Variants in TCF7L2 observed in about 807,000 individuals in gnomAD.
The protein encoded by TCF7L2 is transcription factor 7-like 2.
In TCF7L2, 23 loss-of-function variants were observed where a neutral mutation model predicts 77.9. The observed-to-expected ratio is 0.30, with a 90% CI of 0.21 to 0.42. TCF7L2 has a LOEUF of 0.42. TCF7L2 is among the 10% of genes least tolerant of loss of function. The pLI, the probability that TCF7L2 is intolerant of heterozygous loss-of-function variation, is 1.00. For missense variants in TCF7L2, 654 were observed against 793.1 expected (o/e 0.82, Z 2.11); for synonymous variants, 413 against 340.2 (o/e 1.21, Z -2.36).
At chr10:113,062,456 G>T (rs1200356782) in intron 5 of TCF7L2, among the ~76,000 whole-genome samples, 2 of 152,184 alleles carry the variant, frequency 1.3e-5, no homozygotes, top group Non-Finnish European at 2.9e-5. Context: ...AGTAGGAACA[G>T]AAGTTAATGT....
chr10:113,075,897 A>T (rs915669628), intron 5 of TCF7L2, among the ~76,000 whole-genome samples: 1 of 152,040 alleles, frequency 6.6e-6, no homozygotes, highest in Non-Finnish European at 1.5e-5. Flanking sequence ...GCACTCTGGG[A>T]GGCTGAGGCG....
chr10:113,151,741 A>C lies in TCF7L2; in HGVS notation c.1018A>C (p.Lys340Gln), dbSNP rs2137151950. The change falls in exon 10 of 14, where the codon AAA becomes CAA. Residue 340 changes from lysine (K) to glutamine (Q), a missense_variant. Physicochemically the swap from Lys to Gln is moderately conservative, Grantham distance 53. Around this residue, in one of 6 missense-constraint regions of TCF7L2, gnomAD observed 179 missense variants for 270.6 expected, o/e 0.66. Transcript: ENST00000627217. The surrounding 1 kb of genome is among the most constrained non-coding windows in gnomAD (Gnocchi z 5.2). ...TATCTCCAGAAAGCATCAGGACTCC[A>C]AAAAGGAAGAAGAAAAGAAGAAGCC... is the stretch of plus-strand genomic sequence containing the variant. 3.1e-6 allele frequency: 5 copies of C among 1,601,212 alleles called. No individual in the cohort carries two copies. The highest frequency in any genetic ancestry group is 4.2e-6 in the Non-Finnish European group (5 of 1,176,586).
intron 5 of TCF7L2, among the ~76,000 whole-genome samples, chr10:113,046,085 ATGATAGAGT>A (rs2053399030): frequency 6.6e-6 from 1 of 152,036 alleles, no homozygotes; most frequent in Non-Finnish European, 1.5e-5. Context: ...ACATGGGGCC[ATGATAGAGT>A]CTATGTCAGA....
At chr10:113,094,963 T>C (rs1423751254) in intron 5 of TCF7L2, among the ~76,000 whole-genome samples, 1 of 151,862 alleles carries the variant, frequency 6.6e-6, no homozygotes. Context: ...TACTAAAAAA[T>C]ACAAAAATTA....
intron 8 of TCF7L2, among the ~76,000 whole-genome samples, chr10:113,149,630 T>A (rs2070308626): frequency 6.6e-6 from 1 of 152,262 alleles, no homozygotes; most frequent in African/African-American, 2.4e-5. Context: ...ACTTTGTAAA[T>A]ACATACAGAA....
chr10:112,955,947 C>T lies in TCF7L2; in HGVS notation c.381+4340C>T, dbSNP rs532200449. On this transcript the variant is annotated intron_variant, in intron 3 of 13. Coordinates refer to ENST00000627217, the MANE Select transcript of TCF7L2 (RefSeq NM_001146274.2). ...CCAGGTTTCGAATGCCTCCTTACAT[C>T]CCACGAGGTGCCCCTGGCTGTGTGC... Among the ~76,000 whole-genome samples, 6 of 151,380 alleles carry T rather than the reference C, an allele frequency of 4.0e-5. No individual in the cohort carries two copies. In the South Asian group the frequency reaches 1.2e-3, roughly 32 times the overall value.
rs139652053 is a variant in TCF7L2, at chr10:112,954,938, C to G, written c.381+3331C>G. Among the ~76,000 whole-genome samples the G allele has an allele frequency of 3.4e-3, 524 of 152,232 alleles. 4 individuals carry two copies. The highest frequency in any genetic ancestry group is 0.014 in the East Asian group (71 of 5,180). On this transcript the variant is annotated intron_variant, in intron 3 of 13. Coordinates refer to ENST00000627217, the MANE Select transcript of TCF7L2 (RefSeq NM_001146274.2). ...GCATTTAAAGGAAACCGAGAGGGGCCTATTCATTGGGATTTTATTTAGCCG... is the reference window on the plus strand; with the variant it reads ...GCATTTAAAGGAAACCGAGAGGGGCGTATTCATTGGGATTTTATTTAGCCG...
intron 5 of TCF7L2, among the ~76,000 whole-genome samples, chr10:113,062,944 A>G (rs901437636): frequency 2.6e-5 from 4 of 152,222 alleles, no homozygotes; most frequent in African/African-American, 9.6e-5. Context: ...GTTTATAGAT[A>G]CACATGTATC....
In TCF7L2 at chr10:113,144,124, G is replaced by A. The variant is rs1185401495; in HGVS notation, c.788+99G>A. 2.0e-5 allele frequency: 19 copies of A among 947,800 alleles called. No individual in the cohort carries two copies. The highest frequency in any genetic ancestry group is 9.0e-5 in the East Asian group (3 of 33,220). The allele number at this position is 947,800 out of a possible 1,614,324, so 58.7% of individuals were successfully genotyped here. On this transcript the variant is annotated intron_variant, in intron 7 of 13. Coordinates refer to ENST00000627217, the MANE Select transcript of TCF7L2 (RefSeq NM_001146274.2). ...TCTGTGTGTGTGTGTGTGTGTGTGTGTGTGTGTGTGTGTATGTGTGTGTGT... is the reference window on the plus strand; with the variant it reads ...TCTGTGTGTGTGTGTGTGTGTGTGTATGTGTGTGTGTGTATGTGTGTGTGT...
Position 113,110,846 on chromosome 10 carries a change from A to C in TCF7L2, c.553-30338A>C, listed in dbSNP as rs201472202. On this transcript the variant is annotated intron_variant, in intron 5 of 13. Coordinates refer to ENST00000627217, the MANE Select transcript of TCF7L2 (RefSeq NM_001146274.2). Reference sequence around the variant, plus strand: ...TGAGTGCCCGTAATGTTTCTGTCCCAATCATAGACTAATCTGGCCAATTGT... The same window carrying C: ...TGAGTGCCCGTAATGTTTCTGTCCCCATCATAGACTAATCTGGCCAATTGT... 2.6e-5 allele frequency among the ~76,000 whole-genome samples: 4 copies of C among 152,306 alleles called. No individual in the cohort carries two copies. In the East Asian group the frequency reaches 7.7e-4, roughly 29 times the overall value.
At chr10:113,101,473 T>C (rs576401371) in intron 5 of TCF7L2, among the ~76,000 whole-genome samples, 9 of 149,486 alleles carry the variant, frequency 6.0e-5, no homozygotes, top group Admixed American at 2.7e-4. Context: ...AGTCTAGGAG[T>C]TCGAGGCTGC....
At chr10:112,966,064 A>T (rs2036689680) in intron 4 of TCF7L2, among the ~76,000 whole-genome samples, 1 of 150,926 alleles carries the variant, frequency 6.6e-6, no homozygotes, top group Non-Finnish European at 1.5e-5. Context: ...AATCCCAGTT[A>T]ATCAGGAGGC....
intron 5 of TCF7L2, among the ~76,000 whole-genome samples, chr10:113,124,044 G>A (rs771018961): frequency 2.0e-5 from 3 of 152,170 alleles, no homozygotes; most frequent in Non-Finnish European, 4.4e-5. Flanking sequence ...CCTTCTGACG[G>A]GATAGGCATA....
chr10:112,967,370 C>T (rs912875893), intron 4 of TCF7L2, among the ~76,000 whole-genome samples: 4 of 152,266 alleles, frequency 2.6e-5, no homozygotes, highest in Non-Finnish European at 2.9e-5. Flanking sequence ...TAGACTCATA[C>T]GACTCATACT....
chr10:113,150,849 T>C lies in TCF7L2; in HGVS notation c.876-149T>C, dbSNP rs2137115029. On this transcript the variant is annotated intron_variant, in intron 8 of 13. Coordinates refer to ENST00000627217, the MANE Select transcript of TCF7L2 (RefSeq NM_001146274.2). The stretch of plus-strand genomic sequence containing the variant: ...AGAATCATTATGTTTAATTTATCGC[T>C]AATTAATGCTGACAGGTTTCATATG... The C allele has an allele frequency of 1.1e-5, 10 of 949,716 alleles. No homozygotes were observed. The South Asian group carries it at 1.7e-4, about 16-fold the overall frequency. 58.8% of individuals were successfully genotyped at this position (949,716 alleles called of 1,614,324 possible).
At chr10:113,051,234 C>T (rs2054398788) in intron 5 of TCF7L2, among the ~76,000 whole-genome samples, 1 of 148,124 alleles carries the variant, frequency 6.8e-6, no homozygotes, top group African/African-American at 2.5e-5. Flanking sequence ...CACACACACA[C>T]ACACACACAG....
chr10:112,982,646 A>G (rs2040692934), intron 4 of TCF7L2, among the ~76,000 whole-genome samples: 1 of 152,080 alleles, frequency 6.6e-6, no homozygotes, highest in African/African-American at 2.4e-5. Context: ...TTTGAGATGG[A>G]GTCTCACTCT....
intron 4 of TCF7L2, among the ~76,000 whole-genome samples, chr10:113,010,941 G>A (rs1444594849): frequency 3.1e-4 from 47 of 152,286 alleles, no homozygotes; most frequent in Non-Finnish European, 8.8e-5. Context: ...ACCTGAGTCC[G>A]GCTGCAGTGA....
intron 5 of TCF7L2, among the ~76,000 whole-genome samples, chr10:113,066,076 C>T (rs1355100889): frequency 1.3e-5 from 2 of 152,066 alleles, no homozygotes; most frequent in Admixed American, 1.3e-4. Flanking sequence ...GTAAGATATG[C>T]TTAAGGTTGG....
Sources: allele counts gnomAD v4.1 joint callset (sites outside exome capture counted in the v4.1 genomes callset), GRCh38; gene constraint gnomAD v4.1.1; regional missense constraint gnomAD v4.1.1; non-coding constraint Gnocchi (gnomAD v3.1); transcripts MANE v1.5; gene names NCBI Gene and HGNC (gene_info 2026-07-23, HGNC 2026-07-21).